DMD: variants seen among roughly 807,000 people sequenced by gnomAD.
DMD encodes the protein mutant dystrophin.
Under a neutral mutation model 330.1 loss-of-function variants are expected in DMD, and 63 were observed. That is an observed-to-expected ratio of 0.19 (90% CI 0.16 to 0.24). DMD has a LOEUF of 0.24. Ranked by LOEUF, DMD falls within the 10% of genes least tolerant of loss-of-function variation. The probability of loss-of-function intolerance (pLI) is 1.00; values close to 1 mark genes in which losing one functional copy is unlikely to be tolerated. For missense variants in DMD, 3,344 were observed against 2,684.1 expected (o/e 1.25, Z -5.43); for synonymous variants, 1,223 against 959.8 (o/e 1.27, Z -5.07).
intron 45 of DMD, among the ~76,000 whole-genome samples, chrX:31,940,038 C>T (rs1197575978): frequency 8.1e-5 from 9 of 111,740 alleles, no homozygotes; most frequent in African/African-American, 2.9e-4. Flanking sequence ...CCGTGAATAT[C>T]GGCAGCAATC....
At chrX:32,923,316 T>C (rs759245510) in intron 2 of DMD, among the ~76,000 whole-genome samples, 1 of 111,601 alleles carries the variant, frequency 9.0e-6, no homozygotes, top group East Asian at 2.8e-4. Context: ...ATCTCAATAC[T>C]TTGGGAGGCC....
intron 54 of DMD, among the ~76,000 whole-genome samples, chrX:31,654,558 C>T (rs1432017120): frequency 9.0e-6 from 1 of 111,643 alleles, no homozygotes; most frequent in African/African-American, 3.3e-5. Flanking sequence ...ACACAAATAC[C>T]ATGGAATACT....
At chrX:33,080,268 GTT>G (rs1245761682) in intron 1 of DMD, among the ~76,000 whole-genome samples, 2 of 111,190 alleles carry the variant, frequency 1.8e-5, no homozygotes, top group African/African-American at 6.5e-5. Flanking sequence ...TAGCCAACTT[GTT>G]TATACCCACA....
intron 41 of DMD, among the ~76,000 whole-genome samples, chrX:32,324,369 G>T (rs2097639274): frequency 1.8e-5 from 2 of 110,203 alleles, no homozygotes; most frequent in Non-Finnish European, 3.8e-5. Context: ...AGGTCACAAT[G>T]CTGCGTTAAT....
intron 44 of DMD, among the ~76,000 whole-genome samples, chrX:31,988,315 A>G (rs1482587462): frequency 9.3e-6 from 1 of 108,057 alleles, no homozygotes; most frequent in Non-Finnish European, 1.9e-5. Context: ...TACTAAAAAA[A>G]TACAAAAAAT....
At chrX:32,531,768 AATAAGG>A (rs1024065658) in intron 17 of DMD, among the ~76,000 whole-genome samples, 2 of 111,111 alleles carry the variant, frequency 1.8e-5, no homozygotes, top group East Asian at 5.6e-4. Flanking sequence ...TTAAAAAAAA[AATAAGG>A]ATAAGTCAAT....
intron 44 of DMD, among the ~76,000 whole-genome samples, chrX:32,032,365 T>A (rs1803248355): frequency 8.9e-6 from 1 of 111,817 alleles, no homozygotes; most frequent in Non-Finnish European, 1.9e-5. Context: ...TATTGATTTT[T>A]AAATATAATG....
intron 49 of DMD, among the ~76,000 whole-genome samples, chrX:31,826,472 T>C (rs2092898591): frequency 8.9e-6 from 1 of 112,557 alleles, no homozygotes; most frequent in Admixed American, 9.4e-5. Context: ...TTATATATTA[T>C]ACAAGTTCTT....
intron 7 of DMD, among the ~76,000 whole-genome samples, chrX:32,731,288 G>A (rs1311139858): frequency 8.9e-6 from 1 of 112,317 alleles, no homozygotes; most frequent in Non-Finnish European, 1.9e-5. Context: ...CTGATTGCTA[G>A]CACAGCAGTC....
At chrX:31,408,876 C>T (rs953038876) in intron 60 of DMD, among the ~76,000 whole-genome samples, 4 of 111,735 alleles carry the variant, frequency 3.6e-5, no homozygotes, top group South Asian at 3.8e-4. Context: ...TGCTGGTGTG[C>T]TGCACCCATT....
intron 17 of DMD, among the ~76,000 whole-genome samples, chrX:32,539,188 T>TTTA (rs556302096): frequency 1.8e-4 from 19 of 102,778 alleles, no homozygotes; most frequent in African/African-American, 6.7e-4. Flanking sequence ...TTTTTTTTTT[T>TTTA]AACAAAAAAT....
chrX:32,538,710 C>T (rs1033297106), intron 17 of DMD, among the ~76,000 whole-genome samples: 2 of 111,407 alleles, frequency 1.8e-5, no homozygotes, highest in African/African-American at 3.3e-5. Context: ...AGCAGAATCA[C>T]GTGGGACCTT....
intron 47 of DMD, among the ~76,000 whole-genome samples, chrX:31,927,278 T>C (rs1359838597): frequency 8.9e-6 from 1 of 112,270 alleles, no homozygotes; most frequent in Non-Finnish European, 1.9e-5. Context: ...CTATACATGA[T>C]GGTGTTCGTA....
chrX:32,845,441 CATTT>C (rs1295141560), intron 3 of DMD, among the ~76,000 whole-genome samples: 1 of 111,854 alleles, frequency 8.9e-6, no homozygotes, highest in African/African-American at 3.3e-5. Flanking sequence ...CAAATTAACT[CATTT>C]ATTAAGTTGT....
At position 32,832,890 on chromosome X, in the gene DMD, T is replaced by C. The variant is rs910815233; in HGVS notation, c.265-9503A>G. Among the ~76,000 whole-genome samples the C allele has an allele frequency of 2.7e-5, 3 of 111,569 alleles. No individual in the cohort carries two copies. In the Admixed American group the frequency reaches 2.9e-4, roughly 11 times the overall value. The stretch of plus-strand genomic sequence containing the variant: ...TTTCCAATGACAGCTTTTTATTCCC[T>C]TCCTTATCTCCGTATTTCAAGAATT... On this transcript the variant is annotated intron_variant, in intron 4 of 78. Transcript: ENST00000357033.
chrX:32,062,378 G>A (rs1406866095), intron 44 of DMD, among the ~76,000 whole-genome samples: 2 of 110,803 alleles, frequency 1.8e-5, no homozygotes, highest in Non-Finnish European at 3.8e-5. Flanking sequence ...ATAATTACGT[G>A]ACAAGAGCTA....
chrX:31,155,910 G>A (rs1324395728), intron 74 of DMD, among the ~76,000 whole-genome samples: 5 of 110,072 alleles, frequency 4.5e-5, no homozygotes, highest in Admixed American at 9.7e-5. Context: ...TGGGAGGACC[G>A]CTTGAGTCTG....
At chrX:31,380,866 A>G (rs2060142776) in intron 60 of DMD, among the ~76,000 whole-genome samples, 1 of 108,546 alleles carries the variant, frequency 9.2e-6, no homozygotes, top group African/African-American at 3.3e-5. Flanking sequence ...TACTGCCTCA[A>G]GGCTTCACAG....
intron 60 of DMD, among the ~76,000 whole-genome samples, chrX:31,355,700 A>G (rs1347702868): frequency 9.0e-6 from 1 of 111,153 alleles, no homozygotes; most frequent in East Asian, 2.8e-4. Context: ...TCTTACTCCC[A>G]AATCCTCACA....
Sources: gnomAD v4.1 joint callset for allele counts (sites outside exome capture counted in the v4.1 genomes callset) on GRCh38, gnomAD v4.1.1 for gene constraint, MANE v1.5 for transcripts, NCBI Gene and HGNC (gene_info 2026-07-23, HGNC 2026-07-21) for gene names.